The following KLRC3 variants were observed in gnomAD, a reference collection of about 807,000 sequenced individuals.
KLRC3 encodes NKG2-E type II integral membrane protein.
Under a neutral mutation model 23.6 loss-of-function variants are expected in KLRC3, and 16 were observed. That is an observed-to-expected ratio of 0.68 (90% confidence interval 0.46 to 1.03). The LOEUF (loss-of-function observed/expected upper bound fraction) is 1.03. KLRC3 is among the 50% of genes least tolerant of loss of function. The pLI is 0.00. For missense variants in KLRC3, 209 were observed against 232.2 expected, an observed-to-expected ratio of 0.90 and a Z score of 0.65; for synonymous variants, 70 against 71.8, an observed-to-expected ratio of 0.98 and a Z score of 0.13.
intron 1 of KLRC3, 30 bp downstream of exon 1, chr12:10,420,334 A>G (rs1343054470): frequency 4.4e-6 from 7 of 1,602,102 alleles, no homozygotes; most frequent in African/African-American, 1.3e-5. Context: ...TCCCAGAACA[A>G]TAACATTGAA....
chr12:10,414,385 T>C (rs1331904776), intron 6 of KLRC3, among the ~76,000 whole-genome samples: 1 of 151,618 alleles, frequency 6.6e-6, no homozygotes, highest in East Asian at 1.9e-4. Flanking sequence ...ACACCAAACT[T>C]TGTAAATATG....
intron 6 of KLRC3, among the ~76,000 whole-genome samples, chr12:10,415,018 A>G (rs1863620501): frequency 6.6e-6 from 1 of 152,188 alleles, no homozygotes; most frequent in South Asian, 2.1e-4. Flanking sequence ...ATAATATGAT[A>G]GAGAGAAATT....
intron 6 of KLRC3, among the ~76,000 whole-genome samples, chr12:10,414,345 C>G (rs1002583359): frequency 6.6e-6 from 1 of 151,464 alleles, no homozygotes; most frequent in Non-Finnish European, 1.5e-5. Context: ...TATAAAACCA[C>G]TTCAATATAA....
intron 6 of KLRC3, 123 bp downstream of exon 6, chr12:10,415,581 A>T: frequency 4.2e-6 from 6 of 1,427,596 alleles, no homozygotes; most frequent in Non-Finnish European, 5.7e-6. Context: ...TTATTATTAG[A>T]GCAAATAACA....
Position 10,416,770 on chromosome 12 carries a change from A to G in KLRC3, c.487-3T>C, listed in dbSNP as rs868330118. On this transcript the variant is annotated splice_region_variant and splice_polypyrimidine_tract_variant and intron_variant, in intron 4 of 6. Transcript: ENST00000396439. ...GGTAAAATGCTGGCCAGAAATTTCT[A>G]AAAGAAAAGAAATAATTTTCACTTA... 1 of 1,565,766 alleles carries G rather than the reference A, an allele frequency of 6.4e-7. No homozygotes were observed. The highest frequency in any genetic ancestry group is 1.4e-5 in the African/African-American group (1 of 72,360).
At chr12:10,414,706 C>G (rs949232231) in intron 6 of KLRC3, among the ~76,000 whole-genome samples, 2 of 149,528 alleles carry the variant, frequency 1.3e-5, no homozygotes, top group African/African-American at 4.9e-5. Context: ...CACATGTATA[C>G]ATATGTAACA....
chr12:10,415,761 A>T lies in KLRC3; in HGVS notation c.621T>A (p.Cys207Ter). ...TAAGTCCACGTACATGTAGCATTGC[A>T]CAGTTACGTTCAGCATGATCTGAGT... is the stretch of plus-strand genomic sequence containing the variant. Reference protein sequence around the residue: ...IKDSDHAERNCAMLHVRGLIS... With the variant: ...IKDSDHAERN Residue 207 changes from cysteine to a stop codon, truncating the protein, a stop_gained, in exon 6 of 7, where the codon TGT becomes TGA. Coordinates refer to ENST00000396439, the MANE Select transcript of KLRC3 (RefSeq NM_002261.3). LOFTEE classifies it high-confidence loss of function. The T allele has an allele frequency of 1.9e-6, 3 of 1,612,798 alleles. No homozygotes were observed. The highest frequency in any genetic ancestry group is 2.5e-6 in the Non-Finnish European group (3 of 1,179,414).
chr12:10,420,335 T>C (rs879030591), intron 1 of KLRC3, 29 bp downstream of exon 1: 1 of 1,600,708 alleles, frequency 6.2e-7, no homozygotes. Context: ...CCCAGAACAA[T>C]AACATTGAAG....
Position 10,420,397 on chromosome 12 carries a change from G to C in KLRC3, c.154C>G (p.His52Asp). The change falls in exon 1 of 7, where the codon CAT becomes GAT. Residue 52 changes from histidine (H) to aspartate (D), a missense_variant. Physicochemically the swap from His to Asp is moderately conservative, Grantham distance 81 (BLOSUM62 -1). Transcript: ENST00000396439. ...ELNLQNASLN[H>D]QGIDKIYDCQ... ...TCATATATTTTATCAATCCCTTGAT[G>C]ATTCAGAGAAGCATTTTGAAGGTTT... The C allele has an allele frequency of 6.2e-7, 1 of 1,613,770 alleles. No homozygotes were observed. The highest frequency in any genetic ancestry group is 8.5e-7 in the Non-Finnish European group (1 of 1,179,790).
rs758184505 is a variant in KLRC3, at chr12:10,412,610, C to G, written c.685G>C (p.Gly229Arg). 2.0e-4 allele frequency: 143 copies of G among 700,662 alleles called. 1 individual carries two copies. The South Asian group carries it at 2.1e-3, about 10-fold the overall frequency. 43.4% of individuals were successfully genotyped at this position (700,662 alleles called of 1,614,324 possible). A position where few individuals can be genotyped will look rare whatever the true frequency, so the allele number is the denominator to read the frequency against. Residue 229 changes from glycine to arginine, a missense_variant, in exon 7 of 7, where the codon GGT becomes CGT. Physicochemically the swap from Gly to Arg is moderately radical, Grantham distance 125. This residue lies in a region of KLRC3 where 74 missense variants were observed against 51.0 expected (regional missense o/e 1.45). Coordinates refer to ENST00000396439, the MANE Select transcript of KLRC3 (RefSeq NM_002261.3). ...ACCAGCCTGGTCAACATGATGAAAC[C>G]CCGTCTCTACAAAAAAATACGAAAA... ...QCGSSRIIRR[G>R]FIMLTRLVLN...
Position 10,418,330 on chromosome 12 carries a change from C to T in KLRC3, c.486+14G>A, listed in dbSNP as rs770623620. The T allele has an allele frequency of 3.8e-6, 6 of 1,590,120 alleles. No homozygotes were observed. The highest frequency in any genetic ancestry group is 1.3e-5 in the African/African-American group (1 of 74,182). ...GAAGCTTTTCATAAAATGTTTGAAA[C>T]ATTTACATCTTACCATTTCTTCTTC... On this transcript the variant is annotated intron_variant, in intron 4 of 6. Transcript: ENST00000396439.
chr12:10,417,388 C>CA (rs1462587261), intron 4 of KLRC3, among the ~76,000 whole-genome samples: 1 of 152,054 alleles, frequency 6.6e-6, no homozygotes, highest in Non-Finnish European at 1.5e-5. Flanking sequence ...ACCCTAGCAT[C>CA]AGGGATCAAC....
At chr12:10,414,269 A>G (rs1431007086) in intron 6 of KLRC3, among the ~76,000 whole-genome samples, 2 of 152,116 alleles carry the variant, frequency 1.3e-5, no homozygotes, top group Non-Finnish European at 2.9e-5. Context: ...AAGAAAACAT[A>G]TATCATTCTA....
chr12:10,418,606 C>A, intron 3 of KLRC3, 108 bp from the exon 4 acceptor site: 1 of 1,243,722 alleles, frequency 8.0e-7, no homozygotes. Flanking sequence ...CATATTTATG[C>A]ATCCTTACAG....
intron 6 of KLRC3, among the ~76,000 whole-genome samples, chr12:10,414,430 A>G (rs566933993): frequency 1.5e-4 from 23 of 152,226 alleles, no homozygotes; most frequent in African/African-American, 5.5e-4. Context: ...CCAAAACCAG[A>G]AAATGATACA....
In KLRC3 at chr12:10,419,903, C is replaced by G. The variant is rs1863696078; in HGVS notation, c.249G>C (p.Leu83=). 1 of 584,448 alleles carries G rather than the reference C, an allele frequency of 1.7e-6. No individual in the cohort carries two copies. The highest frequency in any genetic ancestry group is 2.9e-6 in the Non-Finnish European group (1 of 347,086). The allele number at this position is 584,448 out of a possible 1,614,324, so 36.2% of individuals were successfully genotyped here. The change falls in exon 2 of 7, where the codon CTG becomes CTC. Residue 83 remains leucine (L), a synonymous_variant. Transcript: ENST00000396439. ...AEVLGIICIV[L]MATVLKTIVL... is the part of the protein sequence containing the mutation. ...CTATTGTTTTTAACACAGTGGCCAT[C>G]AGGACAATGCAAATGATTCCTAGGA...
rs185060408 is a variant in KLRC3, at chr12:10,415,803, G to A, written c.588-9C>T. 1,323 of 1,592,526 alleles carry A rather than the reference G, an allele frequency of 8.3e-4. 1 individual carries two copies. The highest frequency in any genetic ancestry group is 2.8e-3 in the Middle Eastern group (17 of 5,990). On this transcript the variant is annotated splice_polypyrimidine_tract_variant and intron_variant, in intron 5 of 6. Transcript: ENST00000396439. Reference sequence around the variant, plus strand: ...GATCTGAGTCTTTTATCCTGTAATGGAGAAAAATCCATAATTCTGTTACAT... The same window carrying A: ...GATCTGAGTCTTTTATCCTGTAATGAAGAAAAATCCATAATTCTGTTACAT...
chr12:10,414,005 G>T (rs1863607694), intron 6 of KLRC3, among the ~76,000 whole-genome samples: 1 of 152,066 alleles, frequency 6.6e-6, no homozygotes, highest in Non-Finnish European at 1.5e-5. Context: ...ATGCTTCCAG[G>T]TTATAGAGAA....
intron 6 of KLRC3, among the ~76,000 whole-genome samples, chr12:10,413,230 C>G (rs939993932): frequency 6.6e-6 from 1 of 152,068 alleles, no homozygotes; most frequent in East Asian, 1.9e-4. Context: ...AAACAAAAAT[C>G]TGAGAACCTT....
Sources: allele counts gnomAD v4.1 joint callset (sites outside exome capture counted in the v4.1 genomes callset), GRCh38; gene constraint gnomAD v4.1.1; regional missense constraint gnomAD v4.1.1; transcripts MANE v1.5; gene names NCBI Gene and HGNC (gene_info 2026-07-23, HGNC 2026-07-21).